The following ADGRL3 variants were observed in gnomAD, a reference collection of about 807,000 sequenced individuals.
ADGRL3 encodes adhesion G protein-coupled receptor L3.
Under a neutral mutation model 153.5 loss-of-function variants are expected in ADGRL3, and 62 were observed. The observed-to-expected ratio is 0.40, with a 90% CI of 0.33 to 0.50. ADGRL3 has a LOEUF of 0.50. Ranked by LOEUF, ADGRL3 falls within the 20% of genes least tolerant of loss-of-function variation. The pLI is 0.47. For missense variants in ADGRL3, 1,641 were observed against 1,859.4 expected, an observed-to-expected ratio of 0.88 and a Z score of 2.16; for synonymous variants, 710 against 672.5, an observed-to-expected ratio of 1.06 and a Z score of -0.86.
intron 13 of ADGRL3, chr4:61,933,783 T>C (rs1027669875): frequency 6.6e-6 from 1 of 152,158 alleles, no homozygotes; most frequent in Admixed American, 6.5e-5. Flanking sequence ...GGAGGGTATT[T>C]CTCTAGTCTC....
chr4:61,612,770 C>G (rs1469690706), intron 5 of ADGRL3, among the ~76,000 whole-genome samples: 1 of 152,072 alleles, frequency 6.6e-6, no homozygotes, highest in Admixed American at 6.6e-5. Flanking sequence ...TCTGAACACC[C>G]TTAATTACTT....
intron 1 of ADGRL3, among the ~76,000 whole-genome samples, chr4:61,330,438 T>C (rs541694307): frequency 1.3e-5 from 2 of 152,300 alleles, no homozygotes; most frequent in South Asian, 4.1e-4. Flanking sequence ...TCTCAGACAC[T>C]GGATCTCCTG....
chr4:61,586,054 G>T lies in ADGRL3; in HGVS notation c.260-1173G>T, dbSNP rs1387017198. Among the ~76,000 whole-genome samples the T allele has an allele frequency of 3.3e-5, 5 of 152,078 alleles. No homozygotes were observed. In the East Asian group the frequency reaches 5.8e-4, roughly 18 times the overall value. On this transcript the variant is annotated intron_variant, in intron 4 of 26. Transcript: ENST00000683033. ...TACAAGTAAAGTAGTACAAGTTAAA[G>T]ATATTATACCATTCTTTATCAAATT...
chr4:61,878,308 G>T (rs1322785283), intron 9 of ADGRL3, among the ~76,000 whole-genome samples: 1 of 152,116 alleles, frequency 6.6e-6, no homozygotes, highest in Non-Finnish European at 1.5e-5. Flanking sequence ...GAACTTCAAT[G>T]TATGAATTTT....
intron 1 of ADGRL3, among the ~76,000 whole-genome samples, chr4:61,276,738 A>G (rs1474309773): frequency 1.3e-5 from 2 of 152,092 alleles, no homozygotes; most frequent in Admixed American, 1.3e-4. Context: ...GACAACTGAA[A>G]TTTAGAAAGA....
Position 61,692,356 on chromosome 4 carries a change from C to T in ADGRL3, c.583+15421C>T, listed in dbSNP as rs143396379. On this transcript the variant is annotated intron_variant, in intron 6 of 26. Coordinates refer to ENST00000683033, the MANE Select transcript of ADGRL3 (RefSeq NM_001387552.1). ...TATTTCTCAACCCCATATAAGGAAC[C>T]CAGAATCAAAGTATGTACTGGTTGC... Among the ~76,000 whole-genome samples the T allele has an allele frequency of 9.3e-3, 1,408 of 152,028 alleles. 14 individuals carry two copies. Among genetic ancestry groups the T allele is most frequent in the Non-Finnish European group, 0.016 (1,065 of 67,966 alleles).
intron 2 of ADGRL3, among the ~76,000 whole-genome samples, chr4:61,417,619 G>T (rs1016475988): frequency 6.6e-6 from 1 of 151,228 alleles, no homozygotes; most frequent in Non-Finnish European, 1.5e-5. Flanking sequence ...TTTGTATAGG[G>T]TTATTCTTGA....
intron 1 of ADGRL3, among the ~76,000 whole-genome samples, chr4:61,368,659 GTGTGA>G (rs1218950049): frequency 2.6e-5 from 4 of 152,038 alleles, no homozygotes; most frequent in Non-Finnish European, 4.4e-5. Flanking sequence ...AAGTCAGGTA[GTGTGA>G]TGCCTCCAGC....
intron 8 of ADGRL3, among the ~76,000 whole-genome samples, chr4:61,744,301 A>C (rs563032285): frequency 1.3e-5 from 2 of 152,234 alleles, no homozygotes; most frequent in South Asian, 4.2e-4. Flanking sequence ...GACAAACAAA[A>C]AGACAGCAGT....
Position 62,071,754 on chromosome 4 carries a change from T to TG in ADGRL3, c.*847dup. ...TTCTTCATTTTCTTTTTTTCTTTTT[T>TG]GCCTTTTATTCCTTTAAAATTTCGC... is the stretch of plus-strand genomic sequence containing the variant. On this transcript the variant is annotated 3_prime_UTR_variant, in exon 27 of 27. Coordinates refer to ENST00000683033, the MANE Select transcript of ADGRL3 (RefSeq NM_001387552.1). 2.4e-6 allele frequency: 1 copy of TG among 425,356 alleles called. No individual in the cohort carries two copies. Among genetic ancestry groups the TG allele is most frequent in the South Asian group, 1.8e-5 (1 of 56,960 alleles). The allele number at this position is 425,356 out of a possible 1,614,324, so 26.3% of individuals were successfully genotyped here.
At chr4:61,930,716 G>T (rs1168717954) in intron 13 of ADGRL3, among the ~76,000 whole-genome samples, 1 of 151,946 alleles carries the variant, frequency 6.6e-6, no homozygotes, top group African/African-American at 2.4e-5. Context: ...CATAATCTTG[G>T]TGTGAATCAA....
At chr4:61,704,384 T>C (rs2095820799) in intron 6 of ADGRL3, among the ~76,000 whole-genome samples, 1 of 152,222 alleles carries the variant, frequency 6.6e-6, no homozygotes, top group East Asian at 1.9e-4. Flanking sequence ...GTTTATACTA[T>C]ACTGTAGTCT....
At chr4:61,439,506 G>A (rs535872278) in intron 2 of ADGRL3, among the ~76,000 whole-genome samples, 31 of 152,260 alleles carry the variant, frequency 2.0e-4, no homozygotes, top group African/African-American at 7.5e-4. Context: ...TGCAGAACGT[G>A]CAGTTTTGTT....
At chr4:61,307,605 T>G (rs959660331) in intron 1 of ADGRL3, among the ~76,000 whole-genome samples, 1 of 152,186 alleles carries the variant, frequency 6.6e-6, no homozygotes, top group African/African-American at 2.4e-5. Context: ...GTTTGTGAAT[T>G]GCAAATATCA....
At chr4:61,987,394 C>T (rs1217620563) in intron 19 of ADGRL3, among the ~76,000 whole-genome samples, 15 of 151,858 alleles carry the variant, frequency 9.9e-5, no homozygotes, top group Non-Finnish European at 1.8e-4. Context: ...AGGCTGGTCT[C>T]GAACTCCCAA....
chr4:61,487,758 A>T (rs1343523606), intron 2 of ADGRL3, among the ~76,000 whole-genome samples: 1 of 152,018 alleles, frequency 6.6e-6, no homozygotes, highest in Non-Finnish European at 1.5e-5. Flanking sequence ...TGAATATTTG[A>T]GATTTTATGC....
chr4:62,045,540 T>G (rs530619367), intron 25 of ADGRL3, among the ~76,000 whole-genome samples: 1 of 152,152 alleles, frequency 6.6e-6, no homozygotes, highest in African/African-American at 2.4e-5. Flanking sequence ...AATGTAATAA[T>G]TATGGCTTAT....
In ADGRL3 at chr4:61,350,343, G is replaced by GTTTTT. The variant is rs34524532; in HGVS notation, c.-239-32766_-239-32762dup. ...GCCTCCCAAAAACATTCTGATGGAG[G>GTTTTT]TTTTTTTTTTTTTTTTTTTCTATCT... On this transcript the variant is annotated intron_variant, in intron 1 of 26. Transcript: ENST00000683033. Among the ~76,000 whole-genome samples, 8 of 127,804 alleles carry GTTTTT rather than the reference G, an allele frequency of 6.3e-5. 1 individual carries two copies. Among genetic ancestry groups the GTTTTT allele is most frequent in the Non-Finnish European group, 9.7e-5 (6 of 61,636 alleles). The allele number at this position is 127,804 out of a possible 152,430, so 83.8% of individuals were successfully genotyped here.
chr4:62,074,822 T>C lies in ADGRL3; in HGVS notation c.*3914T>C, dbSNP rs1213241603. On this transcript the variant is annotated 3_prime_UTR_variant, in exon 27 of 27. Transcript: ENST00000683033. The stretch of plus-strand genomic sequence containing the variant: ...GGATCTTTAAGATCTAGGTTTAAGA[T>C]TCTTATTAGTATTAACTTAATTGGT... 2.0e-5 allele frequency: 3 copies of C among 152,188 alleles called. No individual in the cohort carries two copies. Among genetic ancestry groups the C allele is most frequent in the African/African-American group, 7.2e-5 (3 of 41,452 alleles). The allele number at this position is 152,188 out of a possible 1,614,324, so 9.4% of individuals were successfully genotyped here.
Sources: gnomAD v4.1 joint callset for allele counts (sites outside exome capture counted in the v4.1 genomes callset) on GRCh38, gnomAD v4.1.1 for gene constraint, MANE v1.5 for transcripts, NCBI Gene and HGNC (gene_info 2026-07-23, HGNC 2026-07-21) for gene names.